PTK2B: variants seen among roughly 807,000 people sequenced by gnomAD.
PTK2B encodes the protein protein-tyrosine kinase 2-beta.
Under a neutral mutation model 142.9 loss-of-function variants are expected in PTK2B, and 71 were observed. The ratio of observed to expected loss-of-function variants is 0.50; its 90% CI spans 0.41 to 0.61. PTK2B has a LOEUF of 0.61. Among genes scored for constraint, PTK2B ranks in the 20% least tolerant of loss-of-function variants. The probability of loss-of-function intolerance (pLI) is 0.00; values close to 1 mark genes in which losing one functional copy is unlikely to be tolerated. For missense variants in PTK2B, 1,105 were observed against 1,320.4 expected (o/e 0.84, Z 2.53); for synonymous variants, 519 against 503.4 (o/e 1.03, Z -0.42).
Position 27,401,681 on chromosome 8 carries a change from T to C in PTK2B, c.204+3893T>C, listed in dbSNP as rs1808395218. On this transcript the variant is annotated intron_variant, in intron 2 of 30. Transcript: ENST00000346049. ...GTTAACCATTTTGGTTTTCATTCCA[T>C]CTCTTATGGGAAGCCACTGATATAA... 2.0e-5 allele frequency among the ~76,000 whole-genome samples: 3 copies of C among 152,314 alleles called. No individual in the cohort carries two copies. The South Asian group carries it at 6.2e-4, about 32-fold the overall frequency.
intron 2 of PTK2B, among the ~76,000 whole-genome samples, chr8:27,404,553 G>A (rs540975048): frequency 1.6e-4 from 24 of 152,252 alleles, no homozygotes; most frequent in Admixed American, 3.3e-4. Flanking sequence ...CCAGGTTGCA[G>A]GGGTGGCCTT....
chr8:27,433,590 G>T, intron 11 of PTK2B, 38 bp downstream of exon 11: 1 of 1,550,424 alleles, frequency 6.4e-7, no homozygotes, highest in Non-Finnish European at 8.9e-7. Flanking sequence ...TGGACCACGG[G>T]TGGCAGCACA....
At chr8:27,319,554 G>T (rs528650256) in intron 3 of PTK2B, among the ~76,000 whole-genome samples, 1 of 147,050 alleles carries the variant, frequency 6.8e-6, no homozygotes, top group African/African-American at 2.5e-5. Context: ...TGAGACAGGA[G>T]AATGGCATGA....
chr8:27,354,988 A>G (rs1047136172), intron 1 of PTK2B, among the ~76,000 whole-genome samples: 1 of 151,984 alleles, frequency 6.6e-6, no homozygotes, highest in Non-Finnish European at 1.5e-5. Flanking sequence ...ATGTTCTTAC[A>G]GTAAACGACT....
chr8:27,326,340 G>C (rs994573426), intron 1 of PTK2B, among the ~76,000 whole-genome samples: 1 of 152,082 alleles, frequency 6.6e-6, no homozygotes, highest in African/African-American at 2.4e-5. Context: ...AGCTGCCTCT[G>C]CCTGCTGTCA....
upstream of PTK2B, chr8:27,310,724 G>T: frequency 6.9e-7 from 1 of 1,457,216 alleles, no homozygotes; most frequent in Non-Finnish European, 9.2e-7. Flanking sequence ...GCAGGCAGGA[G>T]GGGCGGGAGC....
chr8:27,317,834 C>G (rs1586069259), intron 3 of PTK2B, among the ~76,000 whole-genome samples: 1 of 152,258 alleles, frequency 6.6e-6, no homozygotes, highest in East Asian at 1.9e-4. Context: ...CACATTGCTG[C>G]AATTCATTAT....
chr8:27,335,937 G>A (rs749271502), intron 1 of PTK2B, among the ~76,000 whole-genome samples: 10 of 152,324 alleles, frequency 6.6e-5, no homozygotes, highest in Non-Finnish European at 1.3e-4. Flanking sequence ...GTGAGAAGGC[G>A]AGGTACCTAC....
chr8:27,342,524 G>A (rs370876814), intron 1 of PTK2B, among the ~76,000 whole-genome samples: 2 of 152,038 alleles, frequency 1.3e-5, no homozygotes, highest in African/African-American at 2.4e-5. Flanking sequence ...GCGCCCTGAC[G>A]ACTTGGTTGG....
intron 2 of PTK2B, among the ~76,000 whole-genome samples, chr8:27,412,161 G>GTTGATTGA (rs34240586): frequency 1.8e-3 from 274 of 151,760 alleles, no homozygotes; most frequent in African/African-American, 5.8e-3. Context: ...TACAGGCATC[G>GTTGATTGA]TTGATTGATT....
At chr8:27,345,155 T>C (rs766915942) in intron 1 of PTK2B, among the ~76,000 whole-genome samples, 2 of 152,166 alleles carry the variant, frequency 1.3e-5, no homozygotes, top group Non-Finnish European at 2.9e-5. Context: ...AGTGAGACTC[T>C]GTCTCAAAAA....
intron 1 of PTK2B, among the ~76,000 whole-genome samples, chr8:27,351,321 A>G (rs890829329): frequency 1.3e-5 from 2 of 152,006 alleles, no homozygotes; most frequent in African/African-American, 2.4e-5. Context: ...AGGAACTGTA[A>G]TAATCACCTG....
chr8:27,352,146 C>T (rs1175743472), intron 1 of PTK2B, among the ~76,000 whole-genome samples: 1 of 152,238 alleles, frequency 6.6e-6, no homozygotes, highest in Non-Finnish European at 1.5e-5. Context: ...TCTGCTCTTC[C>T]AAGCGCTGCT....
At chr8:27,387,283 C>T (rs951741082) in intron 1 of PTK2B, among the ~76,000 whole-genome samples, 29 of 152,148 alleles carry the variant, frequency 1.9e-4, no homozygotes, top group Non-Finnish European at 3.5e-4. Context: ...CGCTTTTCCT[C>T]ATCCTCAAAA....
At chr8:27,411,410 A>G (rs1447883474) in intron 2 of PTK2B, among the ~76,000 whole-genome samples, 1 of 152,088 alleles carries the variant, frequency 6.6e-6, no homozygotes, top group Non-Finnish European at 1.5e-5. Flanking sequence ...CTTTCCTCCT[A>G]CCTATGAAAT....
At chr8:27,315,334 T>G (rs1223386020) in intron 3 of PTK2B, among the ~76,000 whole-genome samples, 1 of 152,190 alleles carries the variant, frequency 6.6e-6, no homozygotes, top group Non-Finnish European at 1.5e-5. Context: ...CAAGAAAGTT[T>G]GAAAGCAATT....
intron 10 of PTK2B, among the ~76,000 whole-genome samples, chr8:27,433,170 C>G (rs1042737917): frequency 6.6e-6 from 1 of 152,230 alleles, no homozygotes; most frequent in Non-Finnish European, 1.5e-5. Context: ...TATTGAGCAC[C>G]TACTAGGTAC....
chr8:27,389,645 C>T (rs377530731), intron 1 of PTK2B, among the ~76,000 whole-genome samples: 1 of 152,182 alleles, frequency 6.6e-6, no homozygotes, highest in Non-Finnish European at 1.5e-5. Context: ...GAGCTGAAAA[C>T]GTGGTAAAGT....
At chr8:27,342,765 C>T (rs1359580347) in intron 1 of PTK2B, among the ~76,000 whole-genome samples, 1 of 152,184 alleles carries the variant, frequency 6.6e-6, no homozygotes, top group Non-Finnish European at 1.5e-5. Context: ...ATTCATTGGA[C>T]ATGTGCCTTC....
Sources: gnomAD v4.1 joint callset for allele counts (sites outside exome capture counted in the v4.1 genomes callset) on GRCh38, gnomAD v4.1.1 for gene constraint, MANE v1.5 for transcripts, NCBI Gene and HGNC (gene_info 2026-07-23, HGNC 2026-07-21) for gene names.